RALYL: variants seen among roughly 807,000 people sequenced by gnomAD.
RALYL encodes RALY RNA binding protein like, also known as RNA-binding Raly-like protein.
RALYL carries 29 observed loss-of-function variants against 35.1 expected under a neutral mutation model. That is an observed-to-expected ratio of 0.83 (90% CI 0.61 to 1.13). The LOEUF is 1.13. Ranked by LOEUF, RALYL falls within the 50% of genes most tolerant of loss-of-function variation. The probability of loss-of-function intolerance (pLI) is 0.00; values close to 1 mark genes in which losing one functional copy is unlikely to be tolerated. For synonymous variants in RALYL, 120 were observed against 127.6 expected, an observed-to-expected ratio of 0.94 and a Z score of 0.40; for missense variants, 359 against 360.4, an observed-to-expected ratio of 1.00 and a Z score of 0.03.
chr8:84,207,830 A>G (rs1037647954), intron 1 of RALYL, among the ~76,000 whole-genome samples: 151 of 151,696 alleles, frequency 1.0e-3, no homozygotes, highest in African/African-American at 3.5e-3. Flanking sequence ...GTATATATAT[A>G]TATATATATA....
chr8:84,524,769 C>A (rs2058743173), intron 1 of RALYL, among the ~76,000 whole-genome samples: 1 of 151,874 alleles, frequency 6.6e-6, no homozygotes, highest in Non-Finnish European at 1.5e-5. Context: ...GAGCATTTAC[C>A]ACCTCAGCCT....
At chr8:84,770,704 C>A (rs1404364148) in intron 2 of RALYL, among the ~76,000 whole-genome samples, 4 of 152,060 alleles carry the variant, frequency 2.6e-5, no homozygotes, top group Non-Finnish European at 5.9e-5. Flanking sequence ...TTCATGCCAA[C>A]ATTCATTATT....
chr8:84,365,664 T>G (rs1319190251), intron 1 of RALYL, among the ~76,000 whole-genome samples: 1 of 152,178 alleles, frequency 6.6e-6, no homozygotes, highest in African/African-American at 2.4e-5. Flanking sequence ...TTTTAAGGTT[T>G]GGTGAATCTA....
At chr8:84,801,088 G>T (rs1041161929) in intron 3 of RALYL, among the ~76,000 whole-genome samples, 28 of 152,016 alleles carry the variant, frequency 1.8e-4, no homozygotes, top group African/African-American at 6.3e-4. Flanking sequence ...CAACAGCTAA[G>T]CAGTTGGTTT....
intron 1 of RALYL, among the ~76,000 whole-genome samples, chr8:84,263,992 AT>A: frequency 6.6e-6 from 1 of 152,036 alleles, no homozygotes; most frequent in Middle Eastern, 3.4e-3. Context: ...TATGTACCAC[AT>A]TTTCTTTATC....
chr8:84,457,863 C>A (rs1184301005), intron 1 of RALYL, among the ~76,000 whole-genome samples: 1 of 151,582 alleles, frequency 6.6e-6, no homozygotes, highest in African/African-American at 2.4e-5. Context: ...TACTCCTTAC[C>A]ACATTGTATT....
At chr8:84,843,523 G>A (rs1233257631) in intron 4 of RALYL, among the ~76,000 whole-genome samples, 12 of 152,108 alleles carry the variant, frequency 7.9e-5, no homozygotes, top group South Asian at 6.2e-4. Flanking sequence ...AATCAATATC[G>A]TGAAAATGGC....
In RALYL at chr8:84,724,962, T is replaced by C. The variant is rs963421167; in HGVS notation, c.257-49617T>C. On this transcript the variant is annotated intron_variant, in intron 2 of 8. Transcript: ENST00000521268. ...GAATATTTTATGTTGCAATCACTAATTAATTATGAAGCATAGCTTCATTTT... is the reference window on the plus strand; with the variant it reads ...GAATATTTTATGTTGCAATCACTAACTAATTATGAAGCATAGCTTCATTTT... Among the ~76,000 whole-genome samples, 10 of 151,814 alleles carry C rather than the reference T, an allele frequency of 6.6e-5. 1 individual carries two copies. The highest frequency in any genetic ancestry group is 5.3e-4 in the Admixed American group (8 of 15,196).
At chr8:84,186,460 A>G (rs1328452637) in intron 1 of RALYL, among the ~76,000 whole-genome samples, 1 of 152,164 alleles carries the variant, frequency 6.6e-6, no homozygotes, top group Non-Finnish European at 1.5e-5. Context: ...TGTTTTATGT[A>G]TTGTAAGTCG....
At chr8:84,699,838 A>T (rs1313984169) in intron 2 of RALYL, among the ~76,000 whole-genome samples, 2 of 152,178 alleles carry the variant, frequency 1.3e-5, no homozygotes, top group African/African-American at 2.4e-5. Context: ...GTTCAGGATT[A>T]TTTTACGTTA....
chr8:84,477,794 C>G (rs1487315015), intron 1 of RALYL, among the ~76,000 whole-genome samples: 1 of 151,668 alleles, frequency 6.6e-6, no homozygotes, highest in Admixed American at 6.6e-5. Flanking sequence ...CTTTATTTCT[C>G]ATAAAATGAG....
chr8:84,616,608 T>C (rs1229101775), intron 2 of RALYL, among the ~76,000 whole-genome samples: 2 of 150,980 alleles, frequency 1.3e-5, no homozygotes, highest in Admixed American at 1.3e-4. Context: ...TAGATCCCAT[T>C]TGTCAATTTT....
intron 1 of RALYL, among the ~76,000 whole-genome samples, chr8:84,390,111 TG>T (rs1328719757): frequency 6.6e-6 from 1 of 152,200 alleles, no homozygotes; most frequent in African/African-American, 2.4e-5. Flanking sequence ...TCATGGTTTT[TG>T]TCTTTGGTTC....
chr8:84,726,918 C>T (rs867436944), intron 2 of RALYL, among the ~76,000 whole-genome samples: 1 of 151,948 alleles, frequency 6.6e-6, no homozygotes, highest in Non-Finnish European at 1.5e-5. Flanking sequence ...TAACAAAATG[C>T]CTTTGCAGCC....
chr8:84,276,723 G>C (rs1479794901), intron 1 of RALYL, among the ~76,000 whole-genome samples: 2 of 152,152 alleles, frequency 1.3e-5, no homozygotes, highest in Non-Finnish European at 2.9e-5. Flanking sequence ...GCTAAATGAG[G>C]TTTGATATTT....
intron 1 of RALYL, among the ~76,000 whole-genome samples, chr8:84,378,175 G>A (rs544334684): frequency 3.3e-5 from 5 of 151,940 alleles, no homozygotes; most frequent in African/African-American, 4.8e-5. Context: ...GCTTATATCC[G>A]TTTATGCCTT....
At chr8:84,816,502 C>T (rs1005939007) in intron 4 of RALYL, among the ~76,000 whole-genome samples, 4 of 148,604 alleles carry the variant, frequency 2.7e-5, no homozygotes, top group African/African-American at 1.0e-4. Flanking sequence ...TTAAAAAAAA[C>T]TTCAGATTTT....
chr8:84,223,527 A>T (rs975753657), intron 1 of RALYL, among the ~76,000 whole-genome samples: 1 of 152,174 alleles, frequency 6.6e-6, no homozygotes, highest in Non-Finnish European at 1.5e-5. Context: ...ATGCAGAAAG[A>T]ATGCCAAATA....
intron 1 of RALYL, among the ~76,000 whole-genome samples, chr8:84,350,046 A>G (rs1850602876): frequency 6.6e-6 from 1 of 150,656 alleles, no homozygotes; most frequent in African/African-American, 2.5e-5. Context: ...AGCCTAGGTC[A>G]TATGTCTGTA....
Sources: allele counts gnomAD v4.1 joint callset (sites outside exome capture counted in the v4.1 genomes callset), GRCh38; gene constraint gnomAD v4.1.1; transcripts MANE v1.5; gene names NCBI Gene and HGNC (gene_info 2026-07-23, HGNC 2026-07-21).